Variants in EPB41L5 observed in about 807,000 individuals in gnomAD.
EPB41L5 encodes the protein band 4.1-like protein 5.
Under a neutral mutation model 106.6 loss-of-function variants are expected in EPB41L5, and 55 were observed. The ratio of observed to expected loss-of-function variants is 0.52; its 90% CI spans 0.42 to 0.65. EPB41L5 has a LOEUF of 0.65. Among genes scored for constraint, EPB41L5 ranks in the 30% least tolerant of loss-of-function variants. The pLI, the probability that EPB41L5 is intolerant of heterozygous loss-of-function variation, is 0.00. For synonymous variants in EPB41L5, 297 were observed against 306.7 expected, an observed-to-expected ratio of 0.97 and a Z score of 0.33; for missense variants, 871 against 882.1, an observed-to-expected ratio of 0.99 and a Z score of 0.16.
chr2:120,040,363 A>G (rs1679326794), intron 2 of EPB41L5, among the ~76,000 whole-genome samples: 1 of 152,356 alleles, frequency 6.6e-6, no homozygotes, highest in South Asian at 2.1e-4. Context: ...CACACTTACC[A>G]GTAGCAGTGT....
chr2:120,138,601 G>GA (rs1272825154), intron 18 of EPB41L5, among the ~76,000 whole-genome samples: 1 of 151,718 alleles, frequency 6.6e-6, no homozygotes, highest in Admixed American at 6.6e-5. Context: ...CAAATAAAAT[G>GA]AAATACCTAA....
At position 120,147,075 on chromosome 2, in the gene EPB41L5, C is replaced by T. The variant is rs146160162; in HGVS notation, c.1793+786C>T. 9.2e-5 allele frequency among the ~76,000 whole-genome samples: 14 copies of T among 152,262 alleles called. 1 individual carries two copies. The highest frequency in any genetic ancestry group is 6.2e-4 in the South Asian group (3 of 4,810). The stretch of plus-strand genomic sequence containing the variant: ...TGTAACTAATGCTAATTGCCAGGCA[C>T]GGTGTCTCAGACCTGTAATCCCAGC... On this transcript the variant is annotated intron_variant, in intron 20 of 24. Coordinates refer to ENST00000263713, the MANE Select transcript of EPB41L5 (RefSeq NM_020909.4).
At chr2:120,137,599 A>T (rs2105482526) in intron 18 of EPB41L5, among the ~76,000 whole-genome samples, 1 of 152,134 alleles carries the variant, frequency 6.6e-6, no homozygotes, top group African/African-American at 2.4e-5. Context: ...ATTGGAAAAC[A>T]TTGAAGAAAT....
At chr2:120,045,950 T>TTTCCTGCTTATGG (rs1434513895) in intron 3 of EPB41L5, among the ~76,000 whole-genome samples, 1 of 152,170 alleles carries the variant, frequency 6.6e-6, no homozygotes, top group African/African-American at 2.4e-5. Context: ...AGAATGATGG[T>TTTCCTGCTTATGG]TTCCTGCTTC....
intron 3 of EPB41L5, among the ~76,000 whole-genome samples, chr2:120,051,740 G>A (rs1370103901): frequency 6.6e-6 from 1 of 152,180 alleles, no homozygotes; most frequent in Non-Finnish European, 1.5e-5. Flanking sequence ...TACCTCAGTT[G>A]GAAATGCAGA....
chr2:120,168,081 C>T (rs1437152299), intron 24 of EPB41L5, 74 bp downstream of exon 24: 5 of 1,482,032 alleles, frequency 3.4e-6, no homozygotes, highest in African/African-American at 1.4e-5. Flanking sequence ...CTTATTATCT[C>T]TAAAGCAGCA....
chr2:120,034,041 A>C (rs1678889398), intron 2 of EPB41L5, among the ~76,000 whole-genome samples: 1 of 152,184 alleles, frequency 6.6e-6, no homozygotes, highest in South Asian at 2.1e-4. Flanking sequence ...GGCTGCAGTG[A>C]GCCAAGATCC....
intron 22 of EPB41L5, among the ~76,000 whole-genome samples, chr2:120,166,543 T>G (rs1371617004): frequency 1.3e-5 from 2 of 152,072 alleles, no homozygotes; most frequent in African/African-American, 4.8e-5. Flanking sequence ...CTCCAAGCGA[T>G]TCTCCTGCCT....
At chr2:120,170,178 AACT>A (rs898436408) in intron 24 of EPB41L5, among the ~76,000 whole-genome samples, 55 of 152,384 alleles carry the variant, frequency 3.6e-4, no homozygotes, top group Middle Eastern at 3.4e-3. Context: ...GAAAATTAAT[AACT>A]ACAACTAAAA....
intron 21 of EPB41L5, among the ~76,000 whole-genome samples, chr2:120,162,698 C>T (rs1235795710): frequency 6.6e-6 from 1 of 152,114 alleles, no homozygotes; most frequent in Middle Eastern, 3.2e-3. Flanking sequence ...TACCAGACAA[C>T]TTGTTAAGCA....
chr2:120,096,075 A>C (rs1220726977), intron 14 of EPB41L5, among the ~76,000 whole-genome samples: 1 of 152,032 alleles, frequency 6.6e-6, no homozygotes, highest in Admixed American at 6.5e-5. Context: ...TGCCTGTTAA[A>C]GATAAGATTC....
chr2:120,054,865 CTT>C (rs34163490), intron 3 of EPB41L5, among the ~76,000 whole-genome samples: 2,193 of 129,776 alleles, frequency 0.017, 51 homozygotes, highest in African/African-American at 0.038. Context: ...CATATATACA[CTT>C]TTTTTTTTTT....
rs528449482 is a variant in EPB41L5 at position 120,077,690 on chromosome 2, T to C, written c.714+374T>C. Among the ~76,000 whole-genome samples the C allele has an allele frequency of 9.4e-5, 13 of 138,408 alleles. No individual in the cohort carries two copies. The East Asian group carries it at 2.7e-3, about 29-fold the overall frequency. The allele number at this position is 138,408 out of a possible 152,430, so 90.8% of individuals were successfully genotyped here. On this transcript the variant is annotated intron_variant, in intron 9 of 24. Transcript: ENST00000263713. ...TGTTAAAATAATTCAGGATGCAAAG[T>C]TGAAGATTTATAGCTTAAAGACTTT...
At chr2:120,148,388 C>T (rs1489975880) in intron 20 of EPB41L5, among the ~76,000 whole-genome samples, 1 of 151,678 alleles carries the variant, frequency 6.6e-6, no homozygotes, top group Non-Finnish European at 1.5e-5. Flanking sequence ...TCCTAGTTCT[C>T]ATATATACTC....
At chr2:120,130,732 C>G (rs1406643367) in intron 17 of EPB41L5, among the ~76,000 whole-genome samples, 2 of 152,104 alleles carry the variant, frequency 1.3e-5, no homozygotes, top group Non-Finnish European at 2.9e-5. Flanking sequence ...TTGGGTGAGC[C>G]CTGGGAATGA....
rs1682409031 is a variant in EPB41L5, at chr2:120,078,493, G to T, written c.715G>T (p.Ala239Ser). 6.3e-7 allele frequency: 1 copy of T among 1,598,352 alleles called. No homozygotes were observed. Residue 239 changes from alanine to serine, a missense_variant and splice_region_variant, in exon 10 of 25, where the codon GCT becomes TCT. Physicochemically the swap from Ala to Ser is moderately conservative, Grantham distance 99. Coordinates refer to ENST00000263713, the MANE Select transcript of EPB41L5 (RefSeq NM_020909.4). Reference protein sequence around the residue: ...MYGVDMHVVKARDGNDYSLGL... With the variant: ...MYGVDMHVVKSRDGNDYSLGL... ...ACACATTTTTCTCCCCTTAAATTAG[G>T]CTAGAGATGGGAATGACTATAGTTT...
At chr2:120,117,899 T>C (rs949954524) in intron 16 of EPB41L5, among the ~76,000 whole-genome samples, 1 of 152,196 alleles carries the variant, frequency 6.6e-6, no homozygotes, top group African/African-American at 2.4e-5. Context: ...TTCTCTACTT[T>C]TAAGAAGCTT....
intron 10 of EPB41L5, among the ~76,000 whole-genome samples, chr2:120,083,033 T>A (rs144714685): frequency 0.021 from 3,225 of 152,260 alleles, 114 homozygotes; most frequent in African/African-American, 0.073. Flanking sequence ...CTATCAATTT[T>A]GTTGATCTTT....
chr2:120,110,909 T>G (rs1020317500), intron 16 of EPB41L5, among the ~76,000 whole-genome samples: 2 of 152,304 alleles, frequency 1.3e-5, no homozygotes, highest in South Asian at 4.1e-4. Context: ...CCCAAAGTGC[T>G]GGGATTACAG....
Sources: gnomAD v4.1 joint callset for allele counts (sites outside exome capture counted in the v4.1 genomes callset) on GRCh38, gnomAD v4.1.1 for gene constraint, MANE v1.5 for transcripts, NCBI Gene and HGNC (gene_info 2026-07-23, HGNC 2026-07-21) for gene names.